PGAP3: variants seen among roughly 807,000 people sequenced by gnomAD.
PGAP3 encodes post-GPI attachment to proteins phospholipase 3, also known as GPI-specific phospholipase A2-like PGAP3.
In PGAP3, 31 loss-of-function variants were observed where a neutral mutation model predicts 40.3. The ratio of observed to expected loss-of-function variants is 0.77; its 90% CI spans 0.58 to 1.04. The LOEUF (loss-of-function observed/expected upper bound fraction) is 1.04. Among genes scored for constraint, PGAP3 ranks in the 50% least tolerant of loss-of-function variants. The pLI, the probability that PGAP3 is intolerant of heterozygous loss-of-function variation, is 0.00. For missense variants in PGAP3, 413 were observed against 423.0 expected, an observed-to-expected ratio of 0.98 and a Z score of 0.21; for synonymous variants, 191 against 184.5, an observed-to-expected ratio of 1.04 and a Z score of -0.29.
intron 2 of PGAP3, among the ~76,000 whole-genome samples, chr17:39,685,405 T>C (rs537679133): frequency 2.6e-5 from 4 of 151,624 alleles, no homozygotes; most frequent in East Asian, 1.9e-4. Context: ...GGCATGAGAA[T>C]TGCTTGAACC....
At chr17:39,675,323 A>C (rs1597815280) in intron 3 of PGAP3, among the ~76,000 whole-genome samples, 1 of 152,166 alleles carries the variant, frequency 6.6e-6, no homozygotes, top group Admixed American at 6.5e-5. Flanking sequence ...GGCCCAGGGG[A>C]ATGTTTGAGG....
At chr17:39,680,301 A>C (rs1421240232) in intron 3 of PGAP3, among the ~76,000 whole-genome samples, 1 of 152,194 alleles carries the variant, frequency 6.6e-6, no homozygotes, top group Non-Finnish European at 1.5e-5. Flanking sequence ...CTCTGAATCT[A>C]ACTCAGAGCT....
intron 3 of PGAP3, among the ~76,000 whole-genome samples, chr17:39,676,430 GGT>G (rs1482170609): frequency 6.6e-6 from 1 of 152,154 alleles, no homozygotes; most frequent in Non-Finnish European, 1.5e-5. Flanking sequence ...GAAAGCAGGG[GGT>G]GTGTGTGCGG....
At chr17:39,685,004 G>A (rs979809304) in intron 2 of PGAP3, 1 of 424,506 alleles carries the variant, frequency 2.4e-6, no homozygotes, top group East Asian at 4.1e-5. Context: ...GATGGGTCAG[G>A]GTAGATGACT....
Position 39,673,233 on chromosome 17 carries a change from C to G in PGAP3, c.717G>C (p.Trp239Cys), listed in dbSNP as rs984603639. 4 of 1,561,568 alleles carry G rather than the reference C, an allele frequency of 2.6e-6. No homozygotes were observed. The African/African-American group carries it at 5.4e-5, about 21-fold the overall frequency. The change falls in exon 7 of 8, where the codon TGG becomes TGC. Residue 239 changes from tryptophan to cysteine, a missense_variant. Transcript: ENST00000300658. ...GCTGGTTCCACAGGCACCAGGCCAG[C>G]CACCACACCACGTTGACCAGGCCTG... ...VAIGLVNVVW[W>C]LAWCLWNQRR...
rs770902818 is a variant in PGAP3, at chr17:39,673,577, C to T, written c.631G>A (p.Val211Ile). 2.1e-5 allele frequency: 34 copies of T among 1,613,984 alleles called. No homozygotes were observed. Among genetic ancestry groups the T allele is most frequent in the African/African-American group, 2.7e-5 (2 of 74,894 alleles). Residue 211 changes from valine to isoleucine, a missense_variant, in exon 6 of 8, where the codon GTC (valine) becomes ATC (isoleucine). Transcript: ENST00000300658. Reference protein sequence around the residue: ...ALLLLMLTVHVSYLSLIRFDY... With the variant: ...ALLLLMLTVHISYLSLIRFDY... ...AAGCGGATGAGGCTCAGGTAGGAGA[C>T]GTGCACGGTCAGCATGAGCAGCAGG... is the stretch of plus-strand genomic sequence containing the variant.
intron 2 of PGAP3, 86 bp downstream of exon 2, chr17:39,685,836 G>C: frequency 8.0e-7 from 1 of 1,248,194 alleles, no homozygotes; most frequent in Non-Finnish European, 1.2e-6. Flanking sequence ...CCATGCCTCA[G>C]ACTGCTTGGA....
chr17:39,686,094 G>A (rs2057509557), intron 1 of PGAP3, 75 bp from the exon 2 acceptor site: 23 of 1,291,866 alleles, frequency 1.8e-5, no homozygotes, highest in Admixed American at 1.7e-4. Flanking sequence ...GGGTCCAAGC[G>A]CAAATGTAGG....
At chr17:39,678,954 TTTTG>T (rs1349916281) in intron 3 of PGAP3, among the ~76,000 whole-genome samples, 3 of 151,964 alleles carry the variant, frequency 2.0e-5, no homozygotes, top group African/African-American at 7.3e-5. Context: ...CTTTTTCTGT[TTTTG>T]TTTTTGTTTT....
At chr17:39,686,294 T>C (rs2057518788) in intron 1 of PGAP3, among the ~76,000 whole-genome samples, 1 of 152,206 alleles carries the variant, frequency 6.6e-6, no homozygotes. Flanking sequence ...TTTGTTTTTG[T>C]TGCCCAGGCT....
At chr17:39,675,944 G>A (rs1010126754) in intron 3 of PGAP3, among the ~76,000 whole-genome samples, 3 of 152,292 alleles carry the variant, frequency 2.0e-5, no homozygotes, top group East Asian at 1.9e-4. Context: ...AGCTTCCCCC[G>A]GGACAAATCA....
At chr17:39,682,028 G>A (rs1212731728) in intron 3 of PGAP3, among the ~76,000 whole-genome samples, 1 of 151,206 alleles carries the variant, frequency 6.6e-6, no homozygotes, top group Non-Finnish European at 1.5e-5. Context: ...AGACTATCCT[G>A]GCTAACATGG....
chr17:39,680,627 C>G (rs1394243750), intron 3 of PGAP3, among the ~76,000 whole-genome samples: 4 of 152,176 alleles, frequency 2.6e-5, no homozygotes, highest in African/African-American at 7.2e-5. Flanking sequence ...CAATTCAGGA[C>G]AGCAGAAGCC....
intron 3 of PGAP3, among the ~76,000 whole-genome samples, chr17:39,683,440 C>A (rs747120821): frequency 6.6e-6 from 1 of 152,188 alleles, no homozygotes; most frequent in Non-Finnish European, 1.5e-5. Context: ...CACCTCTCCC[C>A]GACTGCACTT....
chr17:39,674,744 T>G (rs1044656076), intron 3 of PGAP3, 65 bp from the exon 4 acceptor site: 2 of 1,440,994 alleles, frequency 1.4e-6, no homozygotes, highest in Non-Finnish European at 1.9e-6. Context: ...GGACCCCCAT[T>G]TGCTCACATC....
chr17:39,684,819 T>C, intron 2 of PGAP3, 70 bp from the exon 3 acceptor site: 1 of 1,465,122 alleles, frequency 6.8e-7, no homozygotes, highest in South Asian at 1.4e-5. Context: ...CACCTATTCT[T>C]GACATGCTGA....
At chr17:39,678,230 T>G (rs1329643660) in intron 3 of PGAP3, among the ~76,000 whole-genome samples, 1 of 152,152 alleles carries the variant, frequency 6.6e-6, no homozygotes, top group Non-Finnish European at 1.5e-5. Context: ...TTCTTGTAGT[T>G]TGCTTAACAG....
chr17:39,675,338 C>G (rs1410836813), intron 3 of PGAP3, among the ~76,000 whole-genome samples: 1 of 152,226 alleles, frequency 6.6e-6, no homozygotes, highest in Non-Finnish European at 1.5e-5. Flanking sequence ...TTGAGGCCTT[C>G]TTCCTGGAAA....
chr17:39,673,919 C>A, intron 5 of PGAP3, 74 bp downstream of exon 5: 1 of 1,527,052 alleles, frequency 6.5e-7, no homozygotes, highest in Non-Finnish European at 9.0e-7. Flanking sequence ...AGAAGGCCCC[C>A]AGGGGAAGGC....
Sources: allele counts gnomAD v4.1 joint callset (sites outside exome capture counted in the v4.1 genomes callset), GRCh38; gene constraint gnomAD v4.1.1; transcripts MANE v1.5; gene names NCBI Gene and HGNC (gene_info 2026-07-23, HGNC 2026-07-21).